Variants in MOB4 observed in about 807,000 individuals in gnomAD.
The protein encoded by MOB4 is MOB family member 4, phocein, also known as MOB-like protein phocein.
Under a neutral mutation model 32.2 loss-of-function variants are expected in MOB4, and 4 were observed. That is an observed-to-expected ratio of 0.12 (90% CI 0.06 to 0.28). MOB4 has a LOEUF of 0.28. Among genes scored for constraint, MOB4 ranks in the 10% least tolerant of loss-of-function variants. The pLI, the probability that MOB4 is intolerant of heterozygous loss-of-function variation, is 1.00. For synonymous variants in MOB4, 88 were observed against 88.1 expected (o/e 1.00, Z 0.01); for missense variants, 158 against 271.2 (o/e 0.58, Z 2.93).
At chr2:197,536,994 C>T (rs2086810812) in intron 3 of MOB4, among the ~76,000 whole-genome samples, 1 of 152,074 alleles carries the variant, frequency 6.6e-6, no homozygotes, top group Non-Finnish European at 1.5e-5. Context: ...CCCATCTCAG[C>T]CTGCCAAAGT....
intron 1 of MOB4, among the ~76,000 whole-genome samples, chr2:197,521,596 G>A (rs2086519900): frequency 6.6e-6 from 1 of 152,120 alleles, no homozygotes; most frequent in Admixed American, 6.5e-5. Flanking sequence ...CACCCCTACA[G>A]TTTCGACCAT....
rs145276780 is a variant in MOB4 at position 197,550,687 on chromosome 2, T to C, written c.*41T>C. On this transcript the variant is annotated 3_prime_UTR_variant, in exon 8 of 8. Coordinates refer to ENST00000323303, the MANE Select transcript of MOB4 (RefSeq NM_015387.5). Reference sequence around the variant, plus strand: ...AAATGTACTGATCATATAATTAACATTATGTACTGTATATATCATTTTAGA... The same window carrying C: ...AAATGTACTGATCATATAATTAACACTATGTACTGTATATATCATTTTAGA... 1,794 of 1,552,622 alleles carry C rather than the reference T, an allele frequency of 1.2e-3. 11 individuals are homozygous for C. The highest frequency in any genetic ancestry group is 0.011 in the African/African-American group (826 of 72,872).
Position 197,553,565 on chromosome 2 carries a change from TGAC to T in MOB4, c.*2920_*2922del, listed in dbSNP as rs2087131752. On this transcript the variant is annotated 3_prime_UTR_variant, in exon 8 of 8. Transcript: ENST00000323303. Reference sequence around the variant, plus strand: ...GTACTTTGCCCTACTGTCTATATGATGACATCTTTTTTGAGCAGCTAAATTTTA... The same window carrying T: ...GTACTTTGCCCTACTGTCTATATGATATCTTTTTTGAGCAGCTAAATTTTA... 1 of 152,260 alleles carries T rather than the reference TGAC, an allele frequency of 6.6e-6. No homozygotes were observed. The highest frequency in any genetic ancestry group is 2.4e-5 in the African/African-American group (1 of 41,462). 9.4% of individuals were successfully genotyped at this position (152,260 alleles called of 1,614,324 possible).
At chr2:197,542,136 T>A (rs190880824) in intron 5 of MOB4, among the ~76,000 whole-genome samples, 33 of 152,346 alleles carry the variant, frequency 2.2e-4, no homozygotes, top group African/African-American at 7.7e-4. Flanking sequence ...AGAGTGGAAG[T>A]GATATCCAGT....
chr2:197,520,331 G>A (rs1023775535), intron 1 of MOB4, among the ~76,000 whole-genome samples: 4 of 151,890 alleles, frequency 2.6e-5, no homozygotes, highest in African/African-American at 9.7e-5. Context: ...CATAGAGATG[G>A]GGTTTCACCG....
At chr2:197,537,817 G>A (rs1309231346) in intron 3 of MOB4, among the ~76,000 whole-genome samples, 1 of 151,904 alleles carries the variant, frequency 6.6e-6, no homozygotes, top group Admixed American at 6.6e-5. Context: ...GTCTCGCTTT[G>A]TCACCAGGCT....
intron 2 of MOB4, 90 bp from the exon 3 acceptor site, chr2:197,535,440 G>A (rs866825525): frequency 1.7e-6 from 2 of 1,204,668 alleles, no homozygotes; most frequent in African/African-American, 1.6e-5. Context: ...AACCACAAGA[G>A]CAGTTATGTA....
intron 6 of MOB4, among the ~76,000 whole-genome samples, 156 bp downstream of exon 6, chr2:197,548,571 A>G (rs949220122): frequency 2.0e-5 from 3 of 152,172 alleles, no homozygotes; most frequent in Non-Finnish European, 2.9e-5. Context: ...ACATGTATAC[A>G]TATGTTACAA....
chr2:197,516,134 C>G lies in MOB4; in HGVS notation c.48C>G (p.Gly16=). Residue 16 remains glycine (G), a synonymous_variant, in exon 1 of 8, where the codon GGC becomes GGG. Coordinates refer to ENST00000323303, the MANE Select transcript of MOB4 (RefSeq NM_015387.5). Reference sequence around the variant, plus strand: ...CAGTGCTGAGGCGGAACAGGCCGGGCACCAAGGCGCAGGTACCATGTCTGC... The same window carrying G: ...CAGTGCTGAGGCGGAACAGGCCGGGGACCAAGGCGCAGGTACCATGTCTGC... The part of the protein sequence containing the change: ...GTAVLRRNRP[G]TKAQDFYNWP... 1 of 1,603,686 alleles carries G rather than the reference C, an allele frequency of 6.2e-7. No homozygotes were observed. The highest frequency in any genetic ancestry group is 8.5e-7 in the Non-Finnish European group (1 of 1,176,224).
chr2:197,534,025 C>A, intron 2 of MOB4: 1 of 462,418 alleles, frequency 2.2e-6, no homozygotes, highest in East Asian at 5.0e-5. Flanking sequence ...ACTATCATGT[C>A]ACCATATCAA....
chr2:197,543,631 A>G (rs2086938076), intron 5 of MOB4, among the ~76,000 whole-genome samples: 1 of 152,264 alleles, frequency 6.6e-6, no homozygotes, highest in Non-Finnish European at 1.5e-5. Flanking sequence ...ATACTGTAGC[A>G]TTCCACTTAT....
chr2:197,526,864 A>C (rs990484928), intron 2 of MOB4, among the ~76,000 whole-genome samples: 1 of 152,162 alleles, frequency 6.6e-6, no homozygotes, highest in Non-Finnish European at 1.5e-5. Flanking sequence ...CTGTATGTCT[A>C]TCCTTATGCC....
chr2:197,527,214 G>T (rs767232011), intron 2 of MOB4, among the ~76,000 whole-genome samples: 2 of 151,838 alleles, frequency 1.3e-5, no homozygotes, highest in Non-Finnish European at 2.9e-5. Flanking sequence ...AGATTGCCTC[G>T]TATCTCTAGA....
At chr2:197,543,286 C>T (rs2086930776) in intron 5 of MOB4, among the ~76,000 whole-genome samples, 1 of 151,808 alleles carries the variant, frequency 6.6e-6, no homozygotes, top group African/African-American at 2.4e-5. Flanking sequence ...AGAGAGAGAC[C>T]ATGTCTCAAA....
chr2:197,542,082 T>C (rs2086906055), intron 5 of MOB4, among the ~76,000 whole-genome samples: 1 of 152,264 alleles, frequency 6.6e-6, no homozygotes, highest in South Asian at 2.1e-4. Flanking sequence ...GAATCAAGGC[T>C]AGTTTTGTTT....
chr2:197,518,645 C>T (rs2086459622), intron 1 of MOB4, among the ~76,000 whole-genome samples: 4 of 151,180 alleles, frequency 2.6e-5, no homozygotes, highest in South Asian at 2.1e-4. Flanking sequence ...TCACTGCAGT[C>T]GCTGCCTCCC....
At chr2:197,523,025 T>A (rs1354037295) in intron 1 of MOB4, among the ~76,000 whole-genome samples, 1 of 151,594 alleles carries the variant, frequency 6.6e-6, no homozygotes, top group Non-Finnish European at 1.5e-5. Flanking sequence ...AATAATAATA[T>A]TAATAATAAT....
At chr2:197,534,914 C>G (rs2086771526) in intron 2 of MOB4, among the ~76,000 whole-genome samples, 1 of 152,046 alleles carries the variant, frequency 6.6e-6, no homozygotes. Flanking sequence ...TCTCTTCTGC[C>G]TTCCTCTCTG....
At chr2:197,530,155 A>T (rs2086675209) in intron 2 of MOB4, among the ~76,000 whole-genome samples, 1 of 152,026 alleles carries the variant, frequency 6.6e-6, no homozygotes, top group Non-Finnish European at 1.5e-5. Context: ...TTTTTAGTAG[A>T]GACGGGGTTT....
Sources: allele counts gnomAD v4.1 joint callset (sites outside exome capture counted in the v4.1 genomes callset), GRCh38; gene constraint gnomAD v4.1.1; transcripts MANE v1.5; gene names NCBI Gene and HGNC (gene_info 2026-07-23, HGNC 2026-07-21).